Variants in ZDHHC17 observed in about 807,000 individuals in gnomAD.
ZDHHC17 encodes zDHHC palmitoyltransferase 17.
ZDHHC17 carries 40 observed loss-of-function variants against 90.3 expected under a neutral mutation model. That is an observed-to-expected ratio of 0.44 (90% CI 0.34 to 0.58). The LOEUF (loss-of-function observed/expected upper bound fraction) is 0.58, where lower values mean the gene tolerates loss of function less well. ZDHHC17 is among the 20% of genes least tolerant of loss of function. The probability of loss-of-function intolerance (pLI) is 0.01; values close to 1 mark genes in which losing one functional copy is unlikely to be tolerated. For synonymous variants in ZDHHC17, 235 were observed against 252.4 expected (o/e 0.93, Z 0.65); for missense variants, 614 against 780.8 (o/e 0.79, Z 2.55).
chr12:76,775,845 CTATGTTCT>C (rs1379223214), intron 1 of ZDHHC17, among the ~76,000 whole-genome samples: 1 of 152,032 alleles, frequency 6.6e-6, no homozygotes, highest in Non-Finnish European at 1.5e-5. Context: ...TTTTACCTCC[CTATGTTCT>C]TTCACTGAAA....
chr12:76,810,692 T>C (rs1475226850), intron 5 of ZDHHC17, among the ~76,000 whole-genome samples: 3 of 121,130 alleles, frequency 2.5e-5, no homozygotes, highest in Admixed American at 1.8e-4. Flanking sequence ...CTGATAAAGT[T>C]AATTGCTGGA....
intron 15 of ZDHHC17, among the ~76,000 whole-genome samples, chr12:76,848,837 C>T (rs11115762): frequency 0.011 from 1,685 of 152,194 alleles, 11 homozygotes; most frequent in Non-Finnish European, 0.017. Context: ...TAAATATTTT[C>T]CACATTTAAC....
chr12:76,828,477 C>T lies in ZDHHC17; in HGVS notation c.1128C>T (p.Phe376=). The change falls in exon 10 of 17, where the codon TTC becomes TTT. Residue 376 remains phenylalanine (F), a synonymous_variant. Coordinates refer to ENST00000426126, the MANE Select transcript of ZDHHC17 (RefSeq NM_015336.4). ...TKFWMYVTWF[F]WFWNDLNFLF... ...TCTGGATGTATGTGACGTGGTTCTT[C>T]TGGTTTTGGAATGATATCCTTTGGT... The T allele has an allele frequency of 1.2e-6, 2 of 1,613,000 alleles. No homozygotes were observed. Among genetic ancestry groups the T allele is most frequent in the Middle Eastern group, 1.7e-4 (1 of 6,022 alleles).
Position 76,809,735 on chromosome 12 carries a change from G to T in ZDHHC17, c.421G>T (p.Val141Leu). 1 of 1,572,020 alleles carries T rather than the reference G, an allele frequency of 6.4e-7. No homozygotes were observed. Among genetic ancestry groups the T allele is most frequent in the Non-Finnish European group, 8.6e-7 (1 of 1,161,386 alleles). ...TAGACAAGGCCATCTATCCATGGTT[G>T]TGCAACTAATGAAATATGGTGCAGA... Reference protein sequence around the residue: ...ATRQGHLSMVVQLMKYGADPS... With the variant: ...ATRQGHLSMVLQLMKYGADPS... The change falls in exon 5 of 17, where the codon GTG becomes TTG. Residue 141 changes from valine (V) to leucine (L), a missense_variant. This residue lies in a region of ZDHHC17 where 358 missense variants were observed against 380.4 expected (regional missense o/e 0.94). Transcript: ENST00000426126.
rs986140242 is a variant in ZDHHC17, at chr12:76,853,257, A to T, written c.*2272A>T. 6.6e-6 allele frequency: 1 copy of T among 151,098 alleles called. No individual in the cohort carries two copies. The highest frequency in any genetic ancestry group is 1.5e-5 in the Non-Finnish European group (1 of 67,252). The allele number at this position is 151,098 out of a possible 1,614,324, so 9.4% of individuals were successfully genotyped here. A position where few individuals can be genotyped will look rare whatever the true frequency, so the allele number is the denominator to read the frequency against. On this transcript the variant is annotated 3_prime_UTR_variant, in exon 17 of 17. Transcript: ENST00000426126. ...TCAGATGGTCAGGAGCCAGCTATGC[A>T]GCAGTATACCATCTGTTTAATTATT...
intron 1 of ZDHHC17, among the ~76,000 whole-genome samples, chr12:76,777,890 A>G (rs761890814): frequency 1.2e-4 from 18 of 152,180 alleles, no homozygotes; most frequent in Non-Finnish European, 2.4e-4. Context: ...ATTTACTGGT[A>G]GAGCCCAGAG....
At chr12:76,833,890 T>A (rs931701816) in intron 10 of ZDHHC17, among the ~76,000 whole-genome samples, 10 of 152,214 alleles carry the variant, frequency 6.6e-5, no homozygotes. Flanking sequence ...CAAGGATGTT[T>A]CTCTTCGTAT....
At chr12:76,783,428 C>T (rs1031927890) in intron 1 of ZDHHC17, among the ~76,000 whole-genome samples, 29 of 152,254 alleles carry the variant, frequency 1.9e-4, no homozygotes, top group African/African-American at 6.7e-4. Context: ...CTATCAAACG[C>T]TTATGAAACC....
chr12:76,794,721 G>T (rs369225270), intron 1 of ZDHHC17, among the ~76,000 whole-genome samples: 2 of 152,152 alleles, frequency 1.3e-5, no homozygotes, highest in East Asian at 3.9e-4. Context: ...TTTTAAGCTC[G>T]CATTTGGCAA....
intron 10 of ZDHHC17, among the ~76,000 whole-genome samples, chr12:76,836,829 G>C (rs1953369718): frequency 6.6e-6 from 1 of 151,960 alleles, no homozygotes; most frequent in Non-Finnish European, 1.5e-5. Context: ...CCATATTTTG[G>C]AGTTTCATTA....
At chr12:76,773,498 C>T (rs1216070459) in intron 1 of ZDHHC17, among the ~76,000 whole-genome samples, 1 of 152,150 alleles carries the variant, frequency 6.6e-6, no homozygotes, top group East Asian at 1.9e-4. Context: ...CGTCTTATTG[C>T]TTCCAAGTTT....
At chr12:76,786,303 A>T (rs1952685689) in intron 1 of ZDHHC17, among the ~76,000 whole-genome samples, 1 of 151,396 alleles carries the variant, frequency 6.6e-6, no homozygotes, top group South Asian at 2.1e-4. Context: ...TATTTTTGAG[A>T]CAGAGTCTTG....
At chr12:76,769,764 T>C (rs1398540697) in intron 1 of ZDHHC17, among the ~76,000 whole-genome samples, 1 of 152,188 alleles carries the variant, frequency 6.6e-6, no homozygotes, top group Non-Finnish European at 1.5e-5. Context: ...TAGTAATCAC[T>C]GAGTCAATAG....
chr12:76,822,894 A>G (rs560161573), intron 8 of ZDHHC17, among the ~76,000 whole-genome samples: 2 of 152,014 alleles, frequency 1.3e-5, no homozygotes, highest in African/African-American at 2.4e-5. Flanking sequence ...TTTTTTAAGT[A>G]GGATTCTTAG....
At chr12:76,815,786 A>G (rs922066710) in intron 6 of ZDHHC17, 71 bp from the exon 7 acceptor site, 2 of 1,404,802 alleles carry the variant, frequency 1.4e-6, no homozygotes, top group African/African-American at 1.5e-5. Context: ...TCAGTTTAGT[A>G]TTTGTAATGA....
At chr12:76,786,459 T>C (rs1249578012) in intron 1 of ZDHHC17, among the ~76,000 whole-genome samples, 1 of 152,118 alleles carries the variant, frequency 6.6e-6, no homozygotes, top group Non-Finnish European at 1.5e-5. Flanking sequence ...TTTTACCATG[T>C]TGGTCACACT....
chr12:76,777,511 T>A (rs1952572508), intron 1 of ZDHHC17, among the ~76,000 whole-genome samples: 1 of 152,222 alleles, frequency 6.6e-6, no homozygotes, highest in Non-Finnish European at 1.5e-5. Flanking sequence ...GTACAAGTAT[T>A]CATGTAAACA....
intron 1 of ZDHHC17, among the ~76,000 whole-genome samples, chr12:76,782,943 A>G (rs1952643660): frequency 6.6e-6 from 1 of 152,046 alleles, no homozygotes. Context: ...CACCTTTAGT[A>G]TCTGATGACC....
intron 10 of ZDHHC17, among the ~76,000 whole-genome samples, chr12:76,830,032 G>A (rs1203100225): frequency 6.6e-6 from 1 of 150,816 alleles, no homozygotes; most frequent in Non-Finnish European, 1.5e-5. Flanking sequence ...AATTGTAACT[G>A]TGCCTGTGTG....
Sources: allele counts gnomAD v4.1 joint callset (sites outside exome capture counted in the v4.1 genomes callset), GRCh38; gene constraint gnomAD v4.1.1; regional missense constraint gnomAD v4.1.1; transcripts MANE v1.5; gene names NCBI Gene and HGNC (gene_info 2026-07-23, HGNC 2026-07-21).